Variants in HHAT observed in about 807,000 individuals in gnomAD.
HHAT encodes protein-cysteine N-palmitoyltransferase HHAT.
HHAT carries 47 observed loss-of-function variants against 70.8 expected under a neutral mutation model. The ratio of observed to expected loss-of-function variants is 0.66; its 90% CI spans 0.53 to 0.85. The LOEUF is 0.85. HHAT is among the 40% of genes least tolerant of loss of function. The pLI, the probability that HHAT is intolerant of heterozygous loss-of-function variation, is 0.00. For missense variants in HHAT, 609 were observed against 604.8 expected, an observed-to-expected ratio of 1.01 and a Z score of -0.07; for synonymous variants, 228 against 247.6, an observed-to-expected ratio of 0.92 and a Z score of 0.74.
chr1:210,361,367 CAGAG>C (rs1324985404), intron 2 of HHAT, among the ~76,000 whole-genome samples: 1 of 152,230 alleles, frequency 6.6e-6, no homozygotes, highest in African/African-American at 2.4e-5. Flanking sequence ...GCAGCTGTCA[CAGAG>C]AGGACCAGTG....
chr1:210,361,663 G>A (rs150001857), intron 2 of HHAT, among the ~76,000 whole-genome samples: 122 of 151,832 alleles, frequency 8.0e-4, no homozygotes, highest in African/African-American at 2.8e-3. Flanking sequence ...CTCCTTTTTG[G>A]TTTCTTGAGG....
At chr1:210,663,465 C>T (rs1453420540) in intron 11 of HHAT, among the ~76,000 whole-genome samples, 1 of 152,182 alleles carries the variant, frequency 6.6e-6, no homozygotes, top group Non-Finnish European at 1.5e-5. Context: ...TTCTAATGTC[C>T]AATGAGCGTT....
At chr1:210,529,411 T>TA (rs2095289636) in intron 9 of HHAT, among the ~76,000 whole-genome samples, 1 of 152,120 alleles carries the variant, frequency 6.6e-6, no homozygotes, top group Non-Finnish European at 1.5e-5. Context: ...GAAGCGGGGA[T>TA]ATCAACGTGG....
chr1:210,530,511 C>T (rs4132902), intron 9 of HHAT, among the ~76,000 whole-genome samples: 2 of 151,986 alleles, frequency 1.3e-5, no homozygotes, highest in Admixed American at 6.6e-5. Flanking sequence ...GTGACAGTAC[C>T]GGCAGGGACT....
chr1:210,660,014 AG>A (rs1574066634), intron 11 of HHAT, among the ~76,000 whole-genome samples: 1 of 152,224 alleles, frequency 6.6e-6, no homozygotes, highest in Admixed American at 6.5e-5. Context: ...GGCACAAGAC[AG>A]GGGTGCTGTC....
At chr1:210,411,812 A>G (rs189696779) in intron 6 of HHAT, among the ~76,000 whole-genome samples, 1 of 147,262 alleles carries the variant, frequency 6.8e-6, no homozygotes, top group African/African-American at 2.4e-5. Context: ...TGCTGCCTCT[A>G]CATGTCTTAC....
chr1:210,584,969 A>T (rs192197321), intron 9 of HHAT, among the ~76,000 whole-genome samples: 22 of 152,294 alleles, frequency 1.4e-4, no homozygotes, highest in African/African-American at 5.3e-4. Context: ...CTTGATGCCT[A>T]TTTGCTAATT....
chr1:210,525,766 C>T (rs573805874), intron 9 of HHAT, among the ~76,000 whole-genome samples: 57 of 151,998 alleles, frequency 3.8e-4, no homozygotes, highest in Non-Finnish European at 7.1e-4. Context: ...AAAAAGAGCC[C>T]CTGGTGACTT....
intron 9 of HHAT, among the ~76,000 whole-genome samples, chr1:210,513,504 A>C (rs2094997655): frequency 6.6e-6 from 1 of 152,224 alleles, no homozygotes; most frequent in African/African-American, 2.4e-5. Context: ...CAGACGTTAA[A>C]CAACCCCCTT....
At chr1:210,577,944 T>C (rs1403060174) in intron 9 of HHAT, among the ~76,000 whole-genome samples, 1 of 152,066 alleles carries the variant, frequency 6.6e-6, no homozygotes, top group Non-Finnish European at 1.5e-5. Flanking sequence ...CTGCGCCCAG[T>C]TGGCCTGTAA....
rs796883210 is a variant in HHAT at position 210,334,701 on chromosome 1, T to A, written c.-44+5597T>A. ...TTTTTTTATTTTTATTTTTATTTTT[T>A]TTTTTGCGAATAGAAATGAACCTTA... On this transcript the variant is annotated intron_variant, in intron 1 of 11. Transcript: ENST00000261458. Among the ~76,000 whole-genome samples, 30 of 151,842 alleles carry A rather than the reference T, an allele frequency of 2.0e-4. 1 individual carries two copies. The highest frequency in any genetic ancestry group is 5.3e-4 in the African/African-American group (22 of 41,484).
chr1:210,479,051 G>A (rs2094350485), intron 8 of HHAT, among the ~76,000 whole-genome samples: 1 of 152,148 alleles, frequency 6.6e-6, no homozygotes, highest in African/African-American at 2.4e-5. Flanking sequence ...AGCAGGAGTA[G>A]CAAACAGTTT....
intron 8 of HHAT, among the ~76,000 whole-genome samples, chr1:210,467,637 G>T (rs1409345358): frequency 6.6e-6 from 1 of 152,164 alleles, no homozygotes; most frequent in African/African-American, 2.4e-5. Context: ...GGTCATGTCA[G>T]CTATTCACAT....
chr1:210,615,413 C>T (rs764705874), intron 10 of HHAT, among the ~76,000 whole-genome samples: 8 of 152,188 alleles, frequency 5.3e-5, no homozygotes, highest in African/African-American at 9.7e-5. Context: ...GAAGTTTGAT[C>T]GTCTGAAGCC....
At chr1:210,435,172 A>G (rs1441076220) in intron 7 of HHAT, among the ~76,000 whole-genome samples, 5 of 151,708 alleles carry the variant, frequency 3.3e-5, no homozygotes. Flanking sequence ...AATCTACTCT[A>G]TCTTGATGAG....
Position 210,674,416 on chromosome 1 carries a change from C to G in HHAT, c.*37C>G, listed in dbSNP as rs1680815483. 3 of 1,527,138 alleles carry G rather than the reference C, an allele frequency of 2.0e-6. No homozygotes were observed. In the East Asian group the frequency reaches 6.8e-5, roughly 34 times the overall value. The allele number at this position is 1,527,138 out of a possible 1,614,324, so 94.6% of individuals were successfully genotyped here. On this transcript the variant is annotated 3_prime_UTR_variant, in exon 12 of 12. Transcript: ENST00000261458. Reference sequence around the variant, plus strand: ...CCAGGCCAGTCCTTGTTGCTGGCCTCCAAGGCAAATAGTGCTTCACCCTGA... The same window carrying G: ...CCAGGCCAGTCCTTGTTGCTGGCCTGCAAGGCAAATAGTGCTTCACCCTGA...
At chr1:210,480,392 A>G (rs572172916) in intron 8 of HHAT, among the ~76,000 whole-genome samples, 24 of 152,328 alleles carry the variant, frequency 1.6e-4, no homozygotes, top group African/African-American at 4.8e-4. Flanking sequence ...GCAGTAGGAT[A>G]TAAGTAACTC....
At chr1:210,499,657 AAT>A (rs1553247200) in intron 8 of HHAT, among the ~76,000 whole-genome samples, 1 of 147,370 alleles carries the variant, frequency 6.8e-6, no homozygotes, top group Non-Finnish European at 1.5e-5. Flanking sequence ...AAAAAAAAAA[AAT>A]TATGGAAGGG....
chr1:210,508,035 T>TAA (rs34352893), intron 8 of HHAT, among the ~76,000 whole-genome samples: 2 of 151,280 alleles, frequency 1.3e-5, no homozygotes, highest in Non-Finnish European at 2.9e-5. Context: ...CCATCTCTAC[T>TAA]AAAAATACAA....
Sources: gnomAD v4.1 joint callset for allele counts (sites outside exome capture counted in the v4.1 genomes callset) on GRCh38, gnomAD v4.1.1 for gene constraint, MANE v1.5 for transcripts, NCBI Gene and HGNC (gene_info 2026-07-23, HGNC 2026-07-21) for gene names.